Variants in SGCD observed in about 807,000 individuals in gnomAD.
SGCD encodes the protein sarcoglycan delta, also known as delta-sarcoglycan.
A neutral mutation model predicts 36.6 loss-of-function variants in SGCD; 18 were observed. The observed-to-expected ratio is 0.49, with a 90% CI of 0.34 to 0.73. The LOEUF (loss-of-function observed/expected upper bound fraction) is 0.73, where lower values mean the gene tolerates loss of function less well. SGCD is among the 30% of genes least tolerant of loss of function. SGCD has a pLI of 0.01. For synonymous variants in SGCD, 133 were observed against 130.6 expected, an observed-to-expected ratio of 1.02 and a Z score of -0.12; for missense variants, 387 against 346.7, an observed-to-expected ratio of 1.12 and a Z score of -0.92.
intron 1 of SGCD, among the ~76,000 whole-genome samples, chr5:155,933,846 T>A (rs1424631731): frequency 6.6e-6 from 1 of 152,352 alleles, no homozygotes; most frequent in African/African-American, 2.4e-5. Context: ...CATCCCTAGG[T>A]TATCTTCAGA....
chr5:155,886,268 G>A (rs1755996395), intron 1 of SGCD, among the ~76,000 whole-genome samples: 1 of 152,184 alleles, frequency 6.6e-6, no homozygotes, highest in Non-Finnish European at 1.5e-5. Flanking sequence ...ACTGGAATGA[G>A]GATGTGGAGC....
chr5:156,290,146 C>G (rs533887584), intron 3 of SGCD, among the ~76,000 whole-genome samples: 1 of 152,034 alleles, frequency 6.6e-6, no homozygotes, highest in Non-Finnish European at 1.5e-5. Flanking sequence ...GCTGTGGGTC[C>G]TTTGATCTTC....
intron 1 of SGCD, among the ~76,000 whole-genome samples, chr5:156,025,791 A>G (rs1209871965): frequency 1.3e-5 from 2 of 152,234 alleles, no homozygotes; most frequent in East Asian, 1.9e-4. Flanking sequence ...GAAAGAGCAC[A>G]TTCAGAAAAG....
At chr5:156,368,260 T>A (rs896113214) in intron 3 of SGCD, among the ~76,000 whole-genome samples, 3 of 151,998 alleles carry the variant, frequency 2.0e-5, no homozygotes. Flanking sequence ...CCAGCTAATT[T>A]TTTTGTATTT....
chr5:156,465,650 G>A lies in SGCD; in HGVS notation c.193-42951G>A, dbSNP rs941116097. ...GCTCTGTATCTCCAAGACTGTTGCCGCTCTTGTCTCTTTCTGACCCACATC... is the reference window on the plus strand; with the variant it reads ...GCTCTGTATCTCCAAGACTGTTGCCACTCTTGTCTCTTTCTGACCCACATC... On this transcript the variant is annotated intron_variant, in intron 3 of 8. Coordinates refer to ENST00000337851, the MANE Select transcript of SGCD (RefSeq NM_000337.6). Among the ~76,000 whole-genome samples, 4 of 152,082 alleles carry A rather than the reference G, an allele frequency of 2.6e-5. No individual in the cohort carries two copies. In the East Asian group the frequency reaches 5.8e-4, roughly 22 times the overall value.
the SGCD span, among the ~76,000 whole-genome samples, chr5:155,763,252 T>C: frequency 5.9e-5 from 9 of 152,184 alleles, no homozygotes; most frequent in Non-Finnish European, 1.0e-4. Flanking sequence ...GTTAGAAAAG[T>C]GAATCTTAAC....
At chr5:155,965,351 C>T (rs376717547) in intron 1 of SGCD, among the ~76,000 whole-genome samples, 2 of 152,232 alleles carry the variant, frequency 1.3e-5, no homozygotes, top group South Asian at 2.1e-4. Context: ...GATCTGTTAT[C>T]CTGGTCCTCT....
intron 3 of SGCD, among the ~76,000 whole-genome samples, chr5:156,194,250 A>T (rs1763967100): frequency 6.6e-6 from 1 of 152,094 alleles, no homozygotes; most frequent in Non-Finnish European, 1.5e-5. Flanking sequence ...ATGGTGGTAT[A>T]CACTTGTAGC....
intron 2 of SGCD, among the ~76,000 whole-genome samples, chr5:156,341,242 A>G (rs1287272793): frequency 6.6e-6 from 1 of 152,226 alleles, no homozygotes; most frequent in Non-Finnish European, 1.5e-5. Flanking sequence ...AGTAGTTCCC[A>G]GGAGCAAAGG....
rs148852168 is a variant in SGCD, at chr5:156,217,423, G to A, written c.-44+93404G>A. Among the ~76,000 whole-genome samples the A allele has an allele frequency of 2.9e-3, 438 of 152,200 alleles. 1 individual carries two copies. Among genetic ancestry groups the A allele is most frequent in the African/African-American group, 0.01 (423 of 41,514 alleles). ...ATCACCAAGGAGTTATACTAGCCAT[G>A]GTTTTCTAAGGTAACCATCAAATCA... is the stretch of plus-strand genomic sequence containing the variant. On this transcript the variant is annotated intron_variant, in intron 3 of 9. Transcript: ENST00000517913.
chr5:155,766,244 C>G, the SGCD span, among the ~76,000 whole-genome samples: 1 of 152,160 alleles, frequency 6.6e-6, no homozygotes, highest in Non-Finnish European at 1.5e-5. Context: ...ACATTCATCC[C>G]TCTTACTCTC....
At chr5:156,179,421 T>G (rs1763549664) in intron 3 of SGCD, among the ~76,000 whole-genome samples, 1 of 152,148 alleles carries the variant, frequency 6.6e-6, no homozygotes. Flanking sequence ...TTAAAAAATG[T>G]TTCAATAATT....
chr5:156,689,085 A>G (rs1051412531), intron 7 of SGCD, among the ~76,000 whole-genome samples: 2 of 152,208 alleles, frequency 1.3e-5, no homozygotes, highest in African/African-American at 4.8e-5. Context: ...GACTGGTAAA[A>G]TCCAAATAAA....
chr5:156,188,325 C>T (rs1392400184), intron 3 of SGCD, among the ~76,000 whole-genome samples: 1 of 151,960 alleles, frequency 6.6e-6, no homozygotes, highest in African/African-American at 2.4e-5. Flanking sequence ...AACCTAATAA[C>T]AAAGTAAATT....
rs752092518 is a variant in SGCD, at chr5:156,329,546, C to T, written c.-31C>T. 9.9e-6 allele frequency: 16 copies of T among 1,611,992 alleles called. No homozygotes were observed. Among genetic ancestry groups the T allele is most frequent in the African/African-American group, 8.0e-5 (6 of 74,826 alleles). On this transcript the variant is annotated 5_prime_UTR_variant, in exon 2 of 9. Transcript: ENST00000337851. ...TTGTTCCTTGCAGAGACATTACTGC[C>T]GGGAGTGTTGAGTGAAGGGACCAGG... is the stretch of plus-strand genomic sequence containing the variant.
At chr5:155,865,215 A>C in the SGCD span, among the ~76,000 whole-genome samples, 1 of 152,144 alleles carries the variant, frequency 6.6e-6, no homozygotes, top group Non-Finnish European at 1.5e-5. Flanking sequence ...CCCATAACCC[A>C]TAACATAAAA....
intron 3 of SGCD, among the ~76,000 whole-genome samples, chr5:156,406,917 A>C (rs1772462152): frequency 6.6e-6 from 1 of 150,526 alleles, no homozygotes; most frequent in African/African-American, 2.5e-5. Flanking sequence ...GGCTGTCTGC[A>C]AGCTTGAGGA....
intron 3 of SGCD, among the ~76,000 whole-genome samples, chr5:156,459,239 G>C (rs1190569269): frequency 6.6e-6 from 1 of 152,140 alleles, no homozygotes; most frequent in Non-Finnish European, 1.5e-5. Context: ...TGAGTGCTGA[G>C]ACAGATGGAC....
chr5:155,804,114 T>C, the SGCD span, among the ~76,000 whole-genome samples: 1 of 152,214 alleles, frequency 6.6e-6, no homozygotes, highest in Non-Finnish European at 1.5e-5. Flanking sequence ...GGACGTGACC[T>C]CTGTGTTTTC....
Sources: allele counts gnomAD v4.1 joint callset (sites outside exome capture counted in the v4.1 genomes callset), GRCh38; gene constraint gnomAD v4.1.1; transcripts MANE v1.5; gene names NCBI Gene and HGNC (gene_info 2026-07-23, HGNC 2026-07-21).